METTL8: variants seen among roughly 807,000 people sequenced by gnomAD.
The protein encoded by METTL8 is methyltransferase 8, tRNA N3-cytidine.
In METTL8, 32 loss-of-function variants were observed where a neutral mutation model predicts 48.7. The ratio of observed to expected loss-of-function variants is 0.66; its 90% CI spans 0.50 to 0.88. The LOEUF is 0.88. METTL8 is among the 40% of genes least tolerant of loss of function. The pLI, the probability that METTL8 is intolerant of heterozygous loss-of-function variation, is 0.00. For missense variants in METTL8, 464 were observed against 474.4 expected, an observed-to-expected ratio of 0.98 and a Z score of 0.20; for synonymous variants, 136 against 157.1, an observed-to-expected ratio of 0.87 and a Z score of 1.01.
intron 3 of METTL8, among the ~76,000 whole-genome samples, chr2:171,355,330 G>A (rs1684408025): frequency 6.6e-6 from 1 of 152,208 alleles, no homozygotes; most frequent in South Asian, 2.1e-4. Context: ...TCCTCTGGAA[G>A]CTTCGTCTCA....
chr2:171,432,107 G>A (rs1693092789), intron 1 of METTL8, among the ~76,000 whole-genome samples: 1 of 152,328 alleles, frequency 6.6e-6, no homozygotes, highest in East Asian at 1.9e-4. Context: ...CCACACCTGC[G>A]TGCAAGCCAG....
chr2:171,433,671 G>C (rs1693424260), intron 1 of METTL8, among the ~76,000 whole-genome samples: 1 of 152,190 alleles, frequency 6.6e-6, no homozygotes, highest in African/African-American at 2.4e-5. Flanking sequence ...AAAGAATGGA[G>C]GCGAGAGGAA....
Position 171,414,342 on chromosome 2 carries a change from G to A in METTL8, c.-13+19541C>T, listed in dbSNP as rs574057394. 4.6e-5 allele frequency among the ~76,000 whole-genome samples: 7 copies of A among 151,994 alleles called. No individual in the cohort carries two copies. In the South Asian group the frequency reaches 6.3e-4, roughly 14 times the overall value. ...TGAGGCAGGAGAATTGCTTGAACCCGGGAGGCGGAGGATGCGGTGAGCTGA... is the reference window on the plus strand; with the variant it reads ...TGAGGCAGGAGAATTGCTTGAACCCAGGAGGCGGAGGATGCGGTGAGCTGA... On this transcript the variant is annotated intron_variant, in intron 1 of 9. Coordinates refer to ENST00000375258, the MANE Select transcript of METTL8 (RefSeq NM_001321154.2).
chr2:171,360,150 T>C (rs1685010516), intron 3 of METTL8, among the ~76,000 whole-genome samples: 1 of 152,244 alleles, frequency 6.6e-6, no homozygotes, highest in South Asian at 2.1e-4. Flanking sequence ...TGGAAAAGTT[T>C]AAAATTATGT....
rs1308944747 is a variant in METTL8, at chr2:171,337,533, A to G, written c.607-31T>C. ...ATCAAAAGAACAAGCAAATATCAAA[A>G]AAAGCAAGGTTAAATTTTTGTCACC... On this transcript the variant is annotated intron_variant, in intron 4 of 9. Transcript: ENST00000375258. The G allele has an allele frequency of 2.5e-6, 4 of 1,573,806 alleles. No homozygotes were observed. The African/African-American group carries it at 5.4e-5, about 21-fold the overall frequency.
upstream of METTL8, chr2:171,434,375 C>A: frequency 1.1e-6 from 1 of 879,154 alleles, no homozygotes. Flanking sequence ...CCCTTCTCTC[C>A]GCGCTCTGGC....
chr2:171,416,330 A>G (rs1019284425), intron 1 of METTL8, among the ~76,000 whole-genome samples: 5 of 152,238 alleles, frequency 3.3e-5, no homozygotes, highest in Non-Finnish European at 7.3e-5. Flanking sequence ...CCCATATCAC[A>G]GGGATTCACC....
intron 1 of METTL8, among the ~76,000 whole-genome samples, chr2:171,407,034 T>C (rs1177442366): frequency 6.6e-6 from 1 of 152,160 alleles, no homozygotes; most frequent in Non-Finnish European, 1.5e-5. Flanking sequence ...TAGGACTATT[T>C]AGGCTTGTAG....
At chr2:171,416,929 C>T (rs1185120979) in intron 1 of METTL8, among the ~76,000 whole-genome samples, 1 of 152,160 alleles carries the variant, frequency 6.6e-6, no homozygotes, top group African/African-American at 2.4e-5. Flanking sequence ...GGTAAAAGAC[C>T]GGAAATACAT....
intron 2 of METTL8, among the ~76,000 whole-genome samples, chr2:171,377,020 A>G (rs1048115498): frequency 6.6e-6 from 1 of 152,228 alleles, no homozygotes; most frequent in Non-Finnish European, 1.5e-5. Flanking sequence ...GGAACAGAAT[A>G]TAGAACTCAG....
chr2:171,345,636 C>T (rs1037994578), intron 3 of METTL8, among the ~76,000 whole-genome samples: 7 of 152,112 alleles, frequency 4.6e-5, no homozygotes, highest in Admixed American at 3.9e-4. Flanking sequence ...AGAACATTTT[C>T]TCAATGGTAA....
At chr2:171,416,817 G>A (rs778206179) in intron 1 of METTL8, among the ~76,000 whole-genome samples, 2 of 152,210 alleles carry the variant, frequency 1.3e-5, no homozygotes, top group Non-Finnish European at 2.9e-5. Flanking sequence ...CTCCAAGCAG[G>A]CTCCTGACTC....
chr2:171,414,115 G>C (rs928720909), intron 1 of METTL8, among the ~76,000 whole-genome samples: 1 of 152,066 alleles, frequency 6.6e-6, no homozygotes, highest in Admixed American at 6.6e-5. Flanking sequence ...AAATTATGTA[G>C]CTGCTTAAAA....
At chr2:171,369,179 G>A (rs769590447) in intron 2 of METTL8, among the ~76,000 whole-genome samples, 3 of 151,302 alleles carry the variant, frequency 2.0e-5, no homozygotes, top group Non-Finnish European at 3.0e-5. Context: ...GGTGGCAGTC[G>A]CCTGTAGTCC....
intron 2 of METTL8, among the ~76,000 whole-genome samples, chr2:171,363,481 A>G (rs945885847): frequency 1.3e-5 from 2 of 152,082 alleles, no homozygotes; most frequent in Non-Finnish European, 2.9e-5. Flanking sequence ...AACAGTAATA[A>G]AAACCAAAGG....
At chr2:171,425,474 A>C (rs1692310148) in intron 1 of METTL8, among the ~76,000 whole-genome samples, 1 of 152,140 alleles carries the variant, frequency 6.6e-6, no homozygotes, top group Admixed American at 6.6e-5. Flanking sequence ...ACATTCTCCT[A>C]TTTGCTTTGA....
chr2:171,380,977 C>T (rs1687468347), intron 2 of METTL8, among the ~76,000 whole-genome samples: 3 of 152,190 alleles, frequency 2.0e-5, no homozygotes. Flanking sequence ...CTGGAGGCAT[C>T]ATGCTACCTG....
intron 2 of METTL8, among the ~76,000 whole-genome samples, chr2:171,368,909 G>A (rs1686002252): frequency 6.6e-6 from 1 of 151,950 alleles, no homozygotes. Flanking sequence ...AAAAAGTTCC[G>A]TGATATGGTT....
At chr2:171,368,742 T>C (rs978976594) in intron 2 of METTL8, among the ~76,000 whole-genome samples, 2 of 152,132 alleles carry the variant, frequency 1.3e-5, no homozygotes, top group African/African-American at 4.8e-5. Flanking sequence ...TATCATAATA[T>C]GGCAGAATAT....
Sources: gnomAD v4.1 joint callset for allele counts (sites outside exome capture counted in the v4.1 genomes callset) on GRCh38, gnomAD v4.1.1 for gene constraint, MANE v1.5 for transcripts, NCBI Gene and HGNC (gene_info 2026-07-23, HGNC 2026-07-21) for gene names.